Variants in PRKAG2 observed in about 807,000 individuals in gnomAD.
The protein encoded by PRKAG2 is 5'-AMP-activated protein kinase subunit gamma-2.
Under a neutral mutation model 69.6 loss-of-function variants are expected in PRKAG2, and 26 were observed. The observed-to-expected ratio is 0.37, with a 90% CI of 0.27 to 0.52. The LOEUF (loss-of-function observed/expected upper bound fraction) is 0.52, where lower values mean the gene tolerates loss of function less well. PRKAG2 is among the 20% of genes least tolerant of loss of function. The pLI is 0.90. For missense variants in PRKAG2, 557 were observed against 740.0 expected (o/e 0.75, Z 2.87); for synonymous variants, 293 against 285.0 (o/e 1.03, Z -0.28).
Position 151,701,093 on chromosome 7 carries a change from C to T in PRKAG2, c.467-25456G>A, listed in dbSNP as rs572711504. On this transcript the variant is annotated intron_variant, in intron 3 of 15. Coordinates refer to ENST00000287878, the MANE Select transcript of PRKAG2 (RefSeq NM_016203.4). ...GGCACAAGAGTCCACCCCCTTCCACCTCCCACTCCTCAGGGGCTGCCCCCC... is the reference window on the plus strand; with the variant it reads ...GGCACAAGAGTCCACCCCCTTCCACTTCCCACTCCTCAGGGGCTGCCCCCC... 1.6e-4 allele frequency among the ~76,000 whole-genome samples: 24 copies of T among 152,290 alleles called. No homozygotes were observed. In the East Asian group the frequency reaches 4.1e-3, roughly 26 times the overall value.
At chr7:151,757,402 C>T (rs1168660699) in intron 3 of PRKAG2, among the ~76,000 whole-genome samples, 1 of 152,204 alleles carries the variant, frequency 6.6e-6, no homozygotes, top group East Asian at 1.9e-4. Flanking sequence ...AAACAGCTCC[C>T]AGCACAGATC....
At chr7:151,676,606 T>A (rs193202623) in intron 3 of PRKAG2, among the ~76,000 whole-genome samples, 587 of 152,334 alleles carry the variant, frequency 3.9e-3, no homozygotes, top group African/African-American at 0.014. Context: ...ATGTAATTTT[T>A]AAGTGGCGAG....
chr7:151,830,446 G>A (rs1423183399), intron 1 of PRKAG2, among the ~76,000 whole-genome samples: 2 of 151,918 alleles, frequency 1.3e-5, no homozygotes, highest in Admixed American at 1.3e-4. Context: ...CCAAGCCCGG[G>A]GTCTGAGCAG....
At chr7:151,713,793 C>A (rs1269115393) in intron 3 of PRKAG2, among the ~76,000 whole-genome samples, 1 of 151,996 alleles carries the variant, frequency 6.6e-6, no homozygotes, top group Non-Finnish European at 1.5e-5. Flanking sequence ...CCAGGCTGGC[C>A]TTGAACTTCT....
At chr7:151,610,453 C>T (rs910028054) in intron 5 of PRKAG2, among the ~76,000 whole-genome samples, 4 of 151,954 alleles carry the variant, frequency 2.6e-5, no homozygotes, top group African/African-American at 9.7e-5. Flanking sequence ...CCGAGGCAGG[C>T]GGATCACGAG....
chr7:151,629,348 G>A (rs1823815467), intron 5 of PRKAG2, among the ~76,000 whole-genome samples: 1 of 152,178 alleles, frequency 6.6e-6, no homozygotes, highest in Non-Finnish European at 1.5e-5. Flanking sequence ...ACTGGAATCT[G>A]CCTTTCAAAA....
At chr7:151,617,997 C>T (rs1820578579) in intron 5 of PRKAG2, among the ~76,000 whole-genome samples, 1 of 152,048 alleles carries the variant, frequency 6.6e-6, no homozygotes, top group Non-Finnish European at 1.5e-5. Context: ...AGGAATGTGA[C>T]AGTCAAAAGT....
chr7:151,645,369 T>C (rs1222408891), intron 4 of PRKAG2, among the ~76,000 whole-genome samples: 1 of 152,172 alleles, frequency 6.6e-6, no homozygotes, highest in Admixed American at 6.5e-5. Context: ...CCACATGAGC[T>C]TGGAAAGGGA....
In PRKAG2 at chr7:151,719,431, G is replaced by A. The variant is rs950997299; in HGVS notation, c.467-43794C>T. On this transcript the variant is annotated intron_variant, in intron 3 of 15. Coordinates refer to ENST00000287878, the MANE Select transcript of PRKAG2 (RefSeq NM_016203.4). This position sits in a 1 kb window ranked among gnomAD's most constrained non-coding sequence, Gnocchi z 5.2. ...CATGCTCCCAACCCACCCCAAACCC[G>A]CCAGCACCCTCAGCCCCTGCCCTGG... 4.0e-5 allele frequency among the ~76,000 whole-genome samples: 6 copies of A among 151,766 alleles called. No homozygotes were observed. The highest frequency in any genetic ancestry group is 5.9e-5 in the Non-Finnish European group (4 of 67,948).
At chr7:151,739,266 A>G (rs885273) in intron 3 of PRKAG2, among the ~76,000 whole-genome samples, 105,514 of 151,956 alleles carry the variant, frequency 0.69, 37,706 homozygotes, top group East Asian at 0.94. Context: ...AGGGGACCTG[A>G]CCCATCTCTG....
rs557882470 is a variant in PRKAG2 at position 151,757,108 on chromosome 7, C to T, written c.466+24044G>A. Among the ~76,000 whole-genome samples the T allele has an allele frequency of 6.6e-5, 10 of 152,222 alleles. No homozygotes were observed. The South Asian group carries it at 1.5e-3, about 22-fold the overall frequency. On this transcript the variant is annotated intron_variant, in intron 3 of 15. Coordinates refer to ENST00000287878, the MANE Select transcript of PRKAG2 (RefSeq NM_016203.4). ...GAACCACTGCCTGGCGTTTGTTCTG[C>T]GGGGCAAGCTGGAGTGGGGTGCTCC... is the stretch of plus-strand genomic sequence containing the variant.
chr7:151,566,573 C>CTTT (rs772567894), intron 11 of PRKAG2: 3 of 449,978 alleles, frequency 6.7e-6, no homozygotes, highest in South Asian at 4.7e-5. Context: ...AAAAATCCAC[C>CTTT]TTTTATAAAG....
chr7:151,715,583 T>C (rs1433486911), intron 3 of PRKAG2, among the ~76,000 whole-genome samples: 1 of 152,136 alleles, frequency 6.6e-6, no homozygotes, highest in Non-Finnish European at 1.5e-5. Context: ...CTCGAACTCC[T>C]GACCTTGGGT....
chr7:151,607,544 G>A (rs1319322704), intron 5 of PRKAG2, among the ~76,000 whole-genome samples: 1 of 152,012 alleles, frequency 6.6e-6, no homozygotes, highest in Non-Finnish European at 1.5e-5. Context: ...GTGGTTATAA[G>A]CATGAGTCAC....
At chr7:151,611,036 T>A (rs964781195) in intron 5 of PRKAG2, among the ~76,000 whole-genome samples, 3 of 152,270 alleles carry the variant, frequency 2.0e-5, no homozygotes, top group Admixed American at 2.0e-4. Flanking sequence ...ATTACAGGCG[T>A]GAGCCACCAC....
chr7:151,673,964 C>T (rs1195030555), intron 4 of PRKAG2, among the ~76,000 whole-genome samples: 5 of 151,478 alleles, frequency 3.3e-5, no homozygotes, highest in African/African-American at 9.7e-5. Context: ...GCCTCAGTCT[C>T]CTGACTAGTT....
chr7:151,866,019 CAAA>C (rs61697386), intron 1 of PRKAG2, among the ~76,000 whole-genome samples: 3 of 95,714 alleles, frequency 3.1e-5, no homozygotes, highest in Admixed American at 1.0e-4. Context: ...GACTCTGTCT[CAAA>C]AAAAAAAAAA....
intron 4 of PRKAG2, among the ~76,000 whole-genome samples, chr7:151,656,319 T>A (rs1033118660): frequency 6.6e-6 from 1 of 151,958 alleles, no homozygotes; most frequent in Non-Finnish European, 1.5e-5. Context: ...ATTTGGGAGG[T>A]TGAGGTTGGG....
intron 4 of PRKAG2, among the ~76,000 whole-genome samples, chr7:151,649,149 G>A (rs189205969): frequency 2.0e-5 from 3 of 151,590 alleles, no homozygotes; most frequent in East Asian, 1.9e-4. Flanking sequence ...TATTTGAGAC[G>A]GAGTCTCATT....
Sources: gnomAD v4.1 joint callset for allele counts (sites outside exome capture counted in the v4.1 genomes callset) on GRCh38, gnomAD v4.1.1 for gene constraint, Gnocchi (gnomAD v3.1) non-coding constraint, MANE v1.5 for transcripts, NCBI Gene and HGNC (gene_info 2026-07-23, HGNC 2026-07-21) for gene names.